Variants in NCKAP5 observed in about 807,000 individuals in gnomAD.
NCKAP5 encodes the protein NCK associated protein 5.
NCKAP5 carries 92 observed loss-of-function variants against 167.0 expected under a neutral mutation model. The ratio of observed to expected loss-of-function variants is 0.55; its 90% CI spans 0.47 to 0.66. The LOEUF (loss-of-function observed/expected upper bound fraction) is 0.66. Ranked by LOEUF, NCKAP5 falls within the 30% of genes least tolerant of loss-of-function variation. The pLI, the probability that NCKAP5 is intolerant of heterozygous loss-of-function variation, is 0.00. For synonymous variants in NCKAP5, 891 were observed against 877.4 expected (o/e 1.02, Z -0.27); for missense variants, 2,378 against 2,315.0 (o/e 1.03, Z -0.56).
intron 6 of NCKAP5, among the ~76,000 whole-genome samples, chr2:133,051,762 A>G (rs115953544): frequency 0.014 from 2,109 of 152,354 alleles, 35 homozygotes; most frequent in African/African-American, 0.047. Context: ...TATATCTCCC[A>G]TAAGTTACTA....
At position 132,853,540 on chromosome 2, in the gene NCKAP5, C is replaced by A. The variant is rs532273630; in HGVS notation, c.807+6952G>T. On this transcript the variant is annotated intron_variant, in intron 11 of 19. Coordinates refer to ENST00000409261, the MANE Select transcript of NCKAP5 (RefSeq NM_207363.3). Reference sequence around the variant, plus strand: ...CATGTGCTCTTGAAAGCAATTAATACCTATTAATACAATTAATACATATAT... The same window carrying A: ...CATGTGCTCTTGAAAGCAATTAATAACTATTAATACAATTAATACATATAT... 6.6e-5 allele frequency among the ~76,000 whole-genome samples: 10 copies of A among 152,132 alleles called. No individual in the cohort carries two copies. In the East Asian group the frequency reaches 1.7e-3, roughly 26 times the overall value.
chr2:132,808,729 C>A (rs75535895), intron 11 of NCKAP5, among the ~76,000 whole-genome samples: 7,838 of 151,822 alleles, frequency 0.052, 396 homozygotes, highest in East Asian at 0.13. Context: ...TTTCATTTAT[C>A]TTTTCATCTT....
chr2:133,654,233 T>C, the NCKAP5 span, among the ~76,000 whole-genome samples: 81 of 151,918 alleles, frequency 5.3e-4, no homozygotes, highest in Non-Finnish European at 9.3e-4. Context: ...AATATAAAAT[T>C]ATCTGGGTGT....
At chr2:132,853,025 A>G (rs1216443431) in intron 11 of NCKAP5, among the ~76,000 whole-genome samples, 1 of 152,242 alleles carries the variant, frequency 6.6e-6, no homozygotes, top group African/African-American at 2.4e-5. Context: ...TTTTGTTGAA[A>G]TAATGAATAA....
chr2:133,241,014 A>C (rs748240098), intron 4 of NCKAP5, among the ~76,000 whole-genome samples: 1 of 152,174 alleles, frequency 6.6e-6, no homozygotes, highest in Non-Finnish European at 1.5e-5. Flanking sequence ...TTCTTACCTT[A>C]CTATTTTCTT....
At chr2:133,435,917 C>T (rs1331638863) in intron 3 of NCKAP5, among the ~76,000 whole-genome samples, 1 of 152,168 alleles carries the variant, frequency 6.6e-6, no homozygotes, top group South Asian at 2.1e-4. Context: ...AGTCACCTCA[C>T]ATTCTACGCG....
chr2:133,214,676 C>CAT (rs924199624), intron 4 of NCKAP5, among the ~76,000 whole-genome samples: 36 of 152,224 alleles, frequency 2.4e-4, no homozygotes, highest in African/African-American at 7.9e-4. Flanking sequence ...GATTAGATGT[C>CAT]ATAGGGGTAA....
chr2:132,903,366 C>T (rs1693773159), intron 8 of NCKAP5, among the ~76,000 whole-genome samples: 1 of 152,156 alleles, frequency 6.6e-6, no homozygotes, highest in South Asian at 2.1e-4. Context: ...GCAGAAAGTT[C>T]TATTGGATAG....
intron 4 of NCKAP5, among the ~76,000 whole-genome samples, chr2:133,275,818 T>C (rs959181380): frequency 2.0e-5 from 3 of 151,704 alleles, no homozygotes; most frequent in African/African-American, 7.3e-5. Flanking sequence ...CCTTTCTTTT[T>C]TAAATAGATC....
chr2:133,370,558 TC>T (rs1188594522), intron 3 of NCKAP5, among the ~76,000 whole-genome samples: 61 of 152,178 alleles, frequency 4.0e-4, no homozygotes, highest in Non-Finnish European at 1.5e-5. Context: ...ATGAGTCTCA[TC>T]AGTGCATAGC....
chr2:132,735,411 C>T (rs527669371), intron 16 of NCKAP5, among the ~76,000 whole-genome samples: 1 of 152,298 alleles, frequency 6.6e-6, no homozygotes, highest in Admixed American at 6.5e-5. Flanking sequence ...CTTGCTCCTG[C>T]TCTTGCATTT....
the NCKAP5 span, among the ~76,000 whole-genome samples, chr2:133,647,758 GA>G: frequency 1.5e-5 from 1 of 65,740 alleles, no homozygotes; most frequent in Non-Finnish European, 3.1e-5. Flanking sequence ...GGAAAGAAAA[GA>G]AAAGAAAAAA....
chr2:133,556,458 C>T (rs1342436840), intron 2 of NCKAP5, among the ~76,000 whole-genome samples: 2 of 152,112 alleles, frequency 1.3e-5, no homozygotes, highest in Admixed American at 1.3e-4. Context: ...TCTTTAAACG[C>T]CCCACGTGGG....
chr2:133,076,661 T>C (rs1262608953), intron 6 of NCKAP5, among the ~76,000 whole-genome samples: 3 of 152,162 alleles, frequency 2.0e-5, no homozygotes, highest in Non-Finnish European at 2.9e-5. Context: ...ACCACCTGGA[T>C]GATAGTGGTA....
intron 6 of NCKAP5, among the ~76,000 whole-genome samples, chr2:133,124,399 A>G (rs2082338824): frequency 1.3e-5 from 2 of 152,206 alleles, no homozygotes; most frequent in African/African-American, 4.8e-5. Flanking sequence ...AATGTTTACA[A>G]ATTATGTCCG....
chr2:133,045,065 A>G lies in NCKAP5; in HGVS notation c.342-50826T>C, dbSNP rs531865843. 3.9e-5 allele frequency among the ~76,000 whole-genome samples: 6 copies of G among 152,194 alleles called. No individual in the cohort carries two copies. The South Asian group carries it at 1.0e-3, about 26-fold the overall frequency. ...CAAGGCTCTGTAGAAAGAAGAAAAA[A>G]AAAAGAAAGAAAAGAAAAAAAAAGA... On this transcript the variant is annotated intron_variant, in intron 6 of 19. Coordinates refer to ENST00000409261, the MANE Select transcript of NCKAP5 (RefSeq NM_207363.3).
chr2:133,418,203 T>C (rs1292129169), intron 3 of NCKAP5, among the ~76,000 whole-genome samples: 1 of 152,210 alleles, frequency 6.6e-6, no homozygotes, highest in Non-Finnish European at 1.5e-5. Context: ...ATGATTTACT[T>C]AGCTGAGACA....
At chr2:132,830,511 C>T (rs932580236) in intron 11 of NCKAP5, among the ~76,000 whole-genome samples, 8 of 152,002 alleles carry the variant, frequency 5.3e-5, no homozygotes, top group Non-Finnish European at 1.2e-4. Context: ...ATGGGAGCTC[C>T]GTGACCACCA....
chr2:133,383,564 C>A (rs1189399042), intron 3 of NCKAP5, among the ~76,000 whole-genome samples: 3 of 152,142 alleles, frequency 2.0e-5, no homozygotes, highest in Admixed American at 6.6e-5. Context: ...ATTTATATTC[C>A]TTTGGTTATA....
Sources: gnomAD v4.1 joint callset for allele counts (sites outside exome capture counted in the v4.1 genomes callset) on GRCh38, gnomAD v4.1.1 for gene constraint, MANE v1.5 for transcripts, NCBI Gene and HGNC (gene_info 2026-07-23, HGNC 2026-07-21) for gene names.